PDXDC1: variants seen among roughly 807,000 people sequenced by gnomAD.
PDXDC1 encodes pyridoxal dependent decarboxylase domain containing 1, also known as pyridoxal-dependent decarboxylase domain-containing protein 1.
In PDXDC1, 42 loss-of-function variants were observed where a neutral mutation model predicts 100.1. The observed-to-expected ratio is 0.42, with a 90% confidence interval of 0.33 to 0.54. The LOEUF is 0.54. Among genes scored for constraint, PDXDC1 ranks in the 20% least tolerant of loss-of-function variants. The pLI is 0.10. For synonymous variants in PDXDC1, 260 were observed against 371.7 expected (o/e 0.70, Z 3.46); for missense variants, 636 against 979.2 (o/e 0.65, Z 4.68).
chr16:15,007,704 T>C (rs1218956515), intron 6 of PDXDC1, among the ~76,000 whole-genome samples: 3 of 152,278 alleles, frequency 2.0e-5, no homozygotes, highest in Non-Finnish European at 4.4e-5. Flanking sequence ...TTATGTCCTC[T>C]TCTTGAGGGG....
At chr16:14,985,291 T>TC (rs1969086708) in intron 1 of PDXDC1, among the ~76,000 whole-genome samples, 1 of 150,682 alleles carries the variant, frequency 6.6e-6, no homozygotes, top group African/African-American at 2.4e-5. Flanking sequence ...CTTTTTTTTT[T>TC]TTTTTTTTTT....
intron 12 of PDXDC1, among the ~76,000 whole-genome samples, chr16:15,021,438 A>AT (rs557773819): frequency 2.0e-5 from 3 of 152,292 alleles, no homozygotes; most frequent in Non-Finnish European, 4.4e-5. Context: ...AAAGCACTGC[A>AT]TTTTTTGAAA....
At chr16:15,144,373 G>C in the PDXDC1 span, among the ~76,000 whole-genome samples, 1 of 152,228 alleles carries the variant, frequency 6.6e-6, no homozygotes, top group Non-Finnish European at 1.5e-5. Flanking sequence ...TGCAGTTTGG[G>C]ACGGTGCTCA....
intron 16 of PDXDC1, among the ~76,000 whole-genome samples, chr16:15,078,443 C>T (rs1429429509): frequency 6.6e-6 from 1 of 151,994 alleles, no homozygotes; most frequent in East Asian, 1.9e-4. Context: ...CATCCTCTCC[C>T]GAAATGCAGT....
intron 8 of PDXDC1, among the ~76,000 whole-genome samples, chr16:15,013,915 T>C (rs1697017745): frequency 6.7e-6 from 1 of 150,304 alleles, no homozygotes; most frequent in South Asian, 2.1e-4. Flanking sequence ...ACAATAAAAC[T>C]GCTTATTTAG....
intron 1 of PDXDC1, chr16:14,989,491 T>C (rs1970195911): frequency 6.2e-7 from 1 of 1,611,642 alleles, no homozygotes; most frequent in African/African-American, 1.3e-5. Context: ...GGGCCGGCAG[T>C]GGGCCCCACA....
At chr16:15,086,459 A>G (rs1477354163) in intron 16 of PDXDC1, 2 of 1,611,484 alleles carry the variant, frequency 1.2e-6, no homozygotes. Context: ...GTCATCCTTA[A>G]GTTAAACAAA....
chr16:15,086,096 A>G lies in PDXDC1; in HGVS notation c.1400-52783A>G, dbSNP rs776003239. The G allele has an allele frequency of 9.4e-6, 15 of 1,590,580 alleles. No individual in the cohort carries two copies. In the Admixed American group the frequency reaches 1.7e-4, roughly 18 times the overall value. ...GGTAGTATTTTAATAAAGAAGTATT[A>G]AAAAGAAAATAAAATTCCAAGCAAT... On this transcript the variant is annotated intron_variant, in intron 16 of 16. Transcript: ENST00000535621.
intron 16 of PDXDC1, among the ~76,000 whole-genome samples, chr16:15,099,158 C>T (rs1333024073): frequency 6.6e-6 from 1 of 152,108 alleles, no homozygotes; most frequent in Non-Finnish European, 1.5e-5. Context: ...CCCTGTGGCT[C>T]ATGCCTGTAA....
chr16:15,080,073 T>C (rs1416665104), intron 16 of PDXDC1: 1 of 1,600,608 alleles, frequency 6.2e-7, no homozygotes. Flanking sequence ...CACTAATCCT[T>C]AGTAAGTTAT....
the PDXDC1 span, among the ~76,000 whole-genome samples, chr16:15,148,577 T>TCTCA: frequency 8.0e-5 from 12 of 150,592 alleles, no homozygotes; most frequent in African/African-American, 2.9e-4. Flanking sequence ...GAGACCGGGG[T>TCTCA]CTCACCCTGT....
chr16:15,096,219 G>C (rs1484912193), intron 16 of PDXDC1, among the ~76,000 whole-genome samples: 6 of 151,420 alleles, frequency 4.0e-5, no homozygotes, highest in African/African-American at 7.3e-5. Context: ...AGCGATTCTT[G>C]TGCCTCAGCC....
chr16:15,132,559 C>G (rs2048157222), intron 16 of PDXDC1, among the ~76,000 whole-genome samples: 1 of 151,290 alleles, frequency 6.6e-6, no homozygotes. Flanking sequence ...AGCAGAAAGG[C>G]TGAGGCTACT....
At chr16:15,103,720 G>C (rs1337931525) in intron 16 of PDXDC1, among the ~76,000 whole-genome samples, 1 of 113,520 alleles carries the variant, frequency 8.8e-6, no homozygotes, top group Non-Finnish European at 1.8e-5. Flanking sequence ...TGGCCGGGCT[G>C]GTCTCAAACT....
intron 16 of PDXDC1, among the ~76,000 whole-genome samples, chr16:15,077,767 G>A (rs993903438): frequency 5.9e-5 from 9 of 152,234 alleles, no homozygotes; most frequent in African/African-American, 1.7e-4. Context: ...CTTGAACCCC[G>A]GAGGTGGAGG....
chr16:15,069,445 C>T (rs1352780532), intron 16 of PDXDC1, among the ~76,000 whole-genome samples: 6 of 152,210 alleles, frequency 3.9e-5, no homozygotes, highest in African/African-American at 1.4e-4. Context: ...TTCTTGGAGA[C>T]TCTCTTCAAC....
intron 1 of PDXDC1, chr16:14,990,031 C>G: frequency 6.8e-7 from 1 of 1,476,190 alleles, no homozygotes; most frequent in African/African-American, 1.5e-5. Flanking sequence ...AGGCCGCCCG[C>G]CGCCCGCTGC....
At chr16:15,040,942 G>C, downstream of PDXDC1, 1 of 721,534 alleles carries the variant, frequency 1.4e-6, no homozygotes. Context: ...CAGATGTTCG[G>C]AGTAGCTGGG....
chr16:15,082,451 T>C (rs1245654900), intron 16 of PDXDC1, among the ~76,000 whole-genome samples: 1 of 152,084 alleles, frequency 6.6e-6, no homozygotes, highest in Non-Finnish European at 1.5e-5. Context: ...GACGGGTAGA[T>C]CGCTTGAGGT....
Sources: gnomAD v4.1 joint callset for allele counts (sites outside exome capture counted in the v4.1 genomes callset) on GRCh38, gnomAD v4.1.1 for gene constraint, MANE v1.5 for transcripts, NCBI Gene and HGNC (gene_info 2026-07-23, HGNC 2026-07-21) for gene names.